The following KCNN2 variants were observed in gnomAD, a reference collection of about 807,000 sequenced individuals.
KCNN2 encodes potassium calcium-activated channel subfamily N member 2.
A neutral mutation model predicts 55.5 loss-of-function variants in KCNN2; 24 were observed. The ratio of observed to expected loss-of-function variants is 0.43; its 90% CI spans 0.31 to 0.61. The LOEUF (loss-of-function observed/expected upper bound fraction) is 0.61, where lower values mean the gene tolerates loss of function less well. KCNN2 is among the 20% of genes least tolerant of loss of function. The pLI, the probability that KCNN2 is intolerant of heterozygous loss-of-function variation, is 0.08. For synonymous variants in KCNN2, 431 were observed against 336.1 expected (o/e 1.28, Z -3.09); for missense variants, 754 against 853.6 (o/e 0.88, Z 1.45).
At chr5:114,450,416 C>T (rs369511315) in intron 3 of KCNN2, among the ~76,000 whole-genome samples, 5 of 152,118 alleles carry the variant, frequency 3.3e-5, no homozygotes, top group South Asian at 2.1e-4. Context: ...GAGGTTGCCC[C>T]GCAATGTTTA....
chr5:114,473,181 A>T lies in KCNN2; in HGVS notation c.1890+17A>T. On this transcript the variant is annotated intron_variant, in intron 5 of 7. Transcript: ENST00000673685. ...ACTAAAAGAGTAAGTTACTATCCAT[A>T]TATCTTCAAAGAGAATATTATTGTG... 1 of 1,380,082 alleles carries T rather than the reference A, an allele frequency of 7.2e-7. No homozygotes were observed. Among genetic ancestry groups the T allele is most frequent in the Non-Finnish European group, 1.0e-6 (1 of 972,956 alleles). The allele number at this position is 1,380,082 out of a possible 1,614,324, so 85.5% of individuals were successfully genotyped here. A position where few individuals can be genotyped will look rare whatever the true frequency, so the allele number is the denominator to read the frequency against.
rs181467952 is a variant in KCNN2 at position 114,080,139 on chromosome 5, C to T, written c.-271+23639C>T. 7.6e-4 allele frequency among the ~76,000 whole-genome samples: 115 copies of T among 152,202 alleles called. 2 individuals carry two copies. Among genetic ancestry groups the T allele is most frequent in the African/African-American group, 2.7e-3 (114 of 41,538 alleles). On this transcript the variant is annotated intron_variant, in intron 1 of 10. Coordinates refer to the KCNN2 transcript ENST00000512097. ...GGGCAGAAAATGACTGGTGTCTCCT[C>T]CACACTCTTCTTCACAGTGCCAGAC...
chr5:114,161,931 G>A (rs975982541), intron 1 of KCNN2, among the ~76,000 whole-genome samples: 1 of 152,050 alleles, frequency 6.6e-6, no homozygotes, highest in Non-Finnish European at 1.5e-5. Flanking sequence ...TTTTAACTTC[G>A]TTGCCATTGG....
intron 3 of KCNN2, among the ~76,000 whole-genome samples, chr5:114,449,908 A>ACACGCGCG (rs1309590184): frequency 6.0e-5 from 4 of 66,120 alleles, no homozygotes; most frequent in African/African-American, 1.4e-4. Context: ...ACACACACAC[A>ACACGCGCG]CGCGCGCGCT....
At chr5:114,118,119 G>C (rs1297890935) in intron 1 of KCNN2, among the ~76,000 whole-genome samples, 2 of 152,172 alleles carry the variant, frequency 1.3e-5, no homozygotes, top group African/African-American at 4.8e-5. Context: ...GTGTAAAGCT[G>C]TACAAAGAAG....
intron 5 of KCNN2, chr5:114,486,771 A>AATAG (rs1561415250): frequency 7.6e-7 from 1 of 1,322,716 alleles, no homozygotes. Context: ...AAAAAAAAAA[A>AATAG]ATAGTTGAAT....
chr5:114,131,128 T>A (rs1351595314), intron 1 of KCNN2, among the ~76,000 whole-genome samples: 1 of 152,248 alleles, frequency 6.6e-6, no homozygotes. Flanking sequence ...TATTTTATTT[T>A]TAAATGTTAT....
At chr5:114,219,371 C>T (rs1754082784) in intron 1 of KCNN2, among the ~76,000 whole-genome samples, 1 of 152,106 alleles carries the variant, frequency 6.6e-6, no homozygotes, top group African/African-American at 2.4e-5. Context: ...AATGAGGTCA[C>T]CCAAACAAAT....
intron 3 of KCNN2, among the ~76,000 whole-genome samples, chr5:114,440,026 G>GT (rs779552006): frequency 2.6e-5 from 4 of 151,822 alleles, no homozygotes; most frequent in African/African-American, 4.8e-5. Flanking sequence ...GTTCAGCTGG[G>GT]TTTTTTTTCT....
chr5:114,405,671 G>T (rs1561611163), intron 3 of KCNN2, among the ~76,000 whole-genome samples: 2 of 151,970 alleles, frequency 1.3e-5, no homozygotes, highest in Non-Finnish European at 2.9e-5. Context: ...AGTGTTGAAA[G>T]TTCAGATGTT....
intron 1 of KCNN2, among the ~76,000 whole-genome samples, chr5:114,109,102 G>A (rs1415140114): frequency 5.9e-5 from 9 of 152,142 alleles, no homozygotes; most frequent in African/African-American, 2.2e-4. Context: ...CTCAAGCTTG[G>A]AGTCTCATCA....
chr5:114,301,921 C>CA (rs893597913), intron 2 of KCNN2, among the ~76,000 whole-genome samples: 3 of 151,808 alleles, frequency 2.0e-5, no homozygotes, highest in East Asian at 3.9e-4. Context: ...AATACCCCTT[C>CA]AAAAAAAATC....
chr5:114,159,270 T>G (rs905251579), intron 1 of KCNN2, among the ~76,000 whole-genome samples: 1 of 152,206 alleles, frequency 6.6e-6, no homozygotes, highest in African/African-American at 2.4e-5. Flanking sequence ...TCATGTGGTT[T>G]TTACCTTTGG....
At chr5:114,336,639 C>T (rs1391265564) in intron 2 of KCNN2, among the ~76,000 whole-genome samples, 2 of 152,026 alleles carry the variant, frequency 1.3e-5, no homozygotes, top group Non-Finnish European at 2.9e-5. Context: ...ATGAAGAATC[C>T]AAATAAGGGA....
At chr5:114,126,592 A>C (rs1342988600) in intron 1 of KCNN2, among the ~76,000 whole-genome samples, 1 of 152,156 alleles carries the variant, frequency 6.6e-6, no homozygotes, top group Non-Finnish European at 1.5e-5. Flanking sequence ...TTCAAGATGA[A>C]TTATGGGTGG....
At chr5:114,368,882 C>T (rs1358787864) in intron 2 of KCNN2, among the ~76,000 whole-genome samples, 1 of 149,350 alleles carries the variant, frequency 6.7e-6, no homozygotes, top group Non-Finnish European at 1.5e-5. Context: ...TTTTTTTTAG[C>T]AGGTACATGA....
chr5:114,311,324 G>A (rs758928255), intron 2 of KCNN2, among the ~76,000 whole-genome samples: 1 of 151,940 alleles, frequency 6.6e-6, no homozygotes, highest in African/African-American at 2.4e-5. Flanking sequence ...CTACTCTTTA[G>A]ATTCTGGAAA....
intron 1 of KCNN2, among the ~76,000 whole-genome samples, chr5:114,144,014 A>T (rs1012121280): frequency 2.0e-5 from 3 of 152,200 alleles, no homozygotes; most frequent in Non-Finnish European, 4.4e-5. Context: ...TGGTGTTGAG[A>T]TTAGATAACC....
At chr5:114,116,431 T>A (rs748595536) in intron 1 of KCNN2, among the ~76,000 whole-genome samples, 1 of 152,178 alleles carries the variant, frequency 6.6e-6, no homozygotes, top group Non-Finnish European at 1.5e-5. Flanking sequence ...TACTATTTTC[T>A]TGCTCCTTAT....
Sources: gnomAD v4.1 joint callset for allele counts (sites outside exome capture counted in the v4.1 genomes callset) on GRCh38, gnomAD v4.1.1 for gene constraint, MANE v1.5 for transcripts, NCBI Gene and HGNC (gene_info 2026-07-23, HGNC 2026-07-21) for gene names.